Variants in SNX25 observed in about 807,000 individuals in gnomAD.
The protein encoded by SNX25 is sorting nexin 25.
A neutral mutation model predicts 113.7 loss-of-function variants in SNX25; 62 were observed. The observed-to-expected ratio is 0.55, with a 90% CI of 0.44 to 0.67. The LOEUF is 0.67. Ranked by LOEUF, SNX25 falls within the 30% of genes least tolerant of loss-of-function variation. The pLI is 0.00. For missense variants in SNX25, 1,014 were observed against 1,161.0 expected (o/e 0.87, Z 1.84); for synonymous variants, 421 against 436.2 (o/e 0.97, Z 0.43).
upstream of SNX25, among the ~76,000 whole-genome samples, chr4:185,205,921 A>C (rs1288222928): frequency 6.6e-6 from 1 of 152,252 alleles, no homozygotes; most frequent in Non-Finnish European, 1.5e-5. Flanking sequence ...GCCAATAAAC[A>C]CATGAAAAGA....
chr4:185,222,534 G>A (rs1030619167), intron 1 of SNX25, among the ~76,000 whole-genome samples: 7 of 151,938 alleles, frequency 4.6e-5, no homozygotes, highest in South Asian at 2.1e-4. Flanking sequence ...GGTATACAGC[G>A]CCCTATATCC....
rs370648742 is a variant in SNX25 at position 185,277,887 on chromosome 4, T to C, written c.1092-10125T>C. Among the ~76,000 whole-genome samples the C allele has an allele frequency of 3.6e-3, 339 of 93,432 alleles. 85 individuals carry two copies. The highest frequency in any genetic ancestry group is 6.3e-3 in the South Asian group (13 of 2,070). 61.3% of individuals were successfully genotyped at this position (93,432 alleles called of 152,430 possible). ...AGCTGGGACTACAGGCGCCCGCCAC[T>C]ACGCCCGGCTAATTTTTTGTATTTT... On this transcript the variant is annotated intron_variant, in intron 5 of 18. Coordinates refer to ENST00000652585, the MANE Select transcript of SNX25 (RefSeq NM_001378034.2).
chr4:185,240,716 C>G (rs1045360783), intron 1 of SNX25, among the ~76,000 whole-genome samples: 13 of 151,892 alleles, frequency 8.6e-5, no homozygotes, highest in Middle Eastern at 3.2e-3. Context: ...CACCTCCCTC[C>G]CAGACGGGGT....
At chr4:185,371,411 G>A (rs531652953), downstream of SNX25, among the ~76,000 whole-genome samples, 7 of 152,036 alleles carry the variant, frequency 4.6e-5, no homozygotes, top group South Asian at 2.1e-4. Flanking sequence ...GCATGGTAGC[G>A]GGTGCCTGTA....
At chr4:185,308,127 TAAAAC>T (rs1754721062) in intron 6 of SNX25, among the ~76,000 whole-genome samples, 1 of 152,232 alleles carries the variant, frequency 6.6e-6, no homozygotes, top group African/African-American at 2.4e-5. Context: ...CTCTCTCACT[TAAAAC>T]AAAAACATGC....
intron 10 of SNX25, 62 bp downstream of exon 10, chr4:185,332,821 A>T (rs1272124247): frequency 6.5e-7 from 1 of 1,533,226 alleles, no homozygotes; most frequent in Admixed American, 1.9e-5. Flanking sequence ...GGTAGTTTTC[A>T]GTTGAGGTTG....
intron 2 of SNX25, among the ~76,000 whole-genome samples, chr4:185,255,032 G>T (rs1439440237): frequency 6.6e-6 from 1 of 151,924 alleles, no homozygotes; most frequent in Non-Finnish European, 1.5e-5. Context: ...TCCTTAAGTT[G>T]ACCCGTAGGG....
In SNX25 at chr4:185,339,308, A is replaced by G. The variant is rs1579848244; in HGVS notation, c.1915-71A>G. ...GCTGATTATTGTGTGTTGACTTTGA[A>G]TCCTGCTACTTTGCTGAATTGCATA... On this transcript the variant is annotated intron_variant, in intron 10 of 18. Coordinates refer to ENST00000652585, the MANE Select transcript of SNX25 (RefSeq NM_001378034.2). The G allele has an allele frequency of 4.9e-6, 7 of 1,439,782 alleles. No homozygotes were observed. In the East Asian group the frequency reaches 1.6e-4, roughly 33 times the overall value. 89.2% of individuals were successfully genotyped at this position (1,439,782 alleles called of 1,614,324 possible).
chr4:185,283,291 A>G (rs1750904959), intron 5 of SNX25, among the ~76,000 whole-genome samples: 1 of 152,226 alleles, frequency 6.6e-6, no homozygotes, highest in East Asian at 1.9e-4. Flanking sequence ...TTTATTCTAT[A>G]GCAGAGAACT....
intron 5 of SNX25, among the ~76,000 whole-genome samples, chr4:185,286,091 G>T (rs1751312694): frequency 6.7e-6 from 1 of 149,954 alleles, no homozygotes; most frequent in African/African-American, 2.5e-5. Flanking sequence ...TTCTGTTTTG[G>T]GGTTTGTTTT....
intron 2 of SNX25, among the ~76,000 whole-genome samples, chr4:185,257,869 G>A (rs1215522560): frequency 6.6e-6 from 1 of 152,176 alleles, no homozygotes. Flanking sequence ...TGAGCCTAGT[G>A]TGATATCTAA....
intron 5 of SNX25, among the ~76,000 whole-genome samples, chr4:185,279,913 G>T (rs796610828): frequency 4.6e-5 from 7 of 152,038 alleles, no homozygotes; most frequent in African/African-American, 1.7e-4. Flanking sequence ...TTGTTTGCTT[G>T]TTTCTGTGCT....
upstream of SNX25, among the ~76,000 whole-genome samples, chr4:185,208,296 G>T (rs111986764): frequency 6.6e-6 from 1 of 151,864 alleles, no homozygotes; most frequent in Non-Finnish European, 1.5e-5. Flanking sequence ...GATTACAGGC[G>T]TGAGCCACCG....
At chr4:185,316,388 G>A (rs1335635132) in intron 7 of SNX25, among the ~76,000 whole-genome samples, 8 of 152,190 alleles carry the variant, frequency 5.3e-5, no homozygotes, top group Admixed American at 2.6e-4. Flanking sequence ...CTGGAAAGTC[G>A]CAGAGTCAGG....
intron 1 of SNX25, among the ~76,000 whole-genome samples, chr4:185,211,993 G>A (rs921341782): frequency 6.6e-6 from 1 of 152,150 alleles, no homozygotes; most frequent in Admixed American, 6.5e-5. Flanking sequence ...TATTTTAAAG[G>A]TGACAGAGAA....
chr4:185,247,722 A>G (rs1745060326), intron 2 of SNX25, among the ~76,000 whole-genome samples: 1 of 152,090 alleles, frequency 6.6e-6, no homozygotes, highest in Non-Finnish European at 1.5e-5. Flanking sequence ...GTTGGGATAA[A>G]TAGACTCAGG....
intron 7 of SNX25, among the ~76,000 whole-genome samples, chr4:185,317,317 A>C (rs2095082225): frequency 6.6e-6 from 1 of 152,246 alleles, no homozygotes. Context: ...AAAGTCGGGA[A>C]ACAACAGATG....
downstream of SNX25, among the ~76,000 whole-genome samples, chr4:185,373,616 G>A (rs1336488924): frequency 6.6e-6 from 1 of 152,170 alleles, no homozygotes; most frequent in Non-Finnish European, 1.5e-5. Flanking sequence ...ATCCAAAGAT[G>A]GCCTTAGTTG....
chr4:185,234,373 A>T (rs1009730306), intron 1 of SNX25, among the ~76,000 whole-genome samples: 54 of 152,330 alleles, frequency 3.5e-4, no homozygotes, highest in Non-Finnish European at 2.6e-4. Context: ...TTCGGAAAGG[A>T]AATTAACGTT....
Sources: allele counts gnomAD v4.1 joint callset (sites outside exome capture counted in the v4.1 genomes callset), GRCh38; gene constraint gnomAD v4.1.1; transcripts MANE v1.5; gene names NCBI Gene and HGNC (gene_info 2026-07-23, HGNC 2026-07-21).